Variants in RYR3 observed in about 807,000 individuals in gnomAD.
RYR3 encodes ryanodine receptor 3.
RYR3 carries 207 observed loss-of-function variants against 584.3 expected under a neutral mutation model. That is an observed-to-expected ratio of 0.35 (90% CI 0.32 to 0.40). RYR3 has a LOEUF of 0.40. Among genes scored for constraint, RYR3 ranks in the 10% least tolerant of loss-of-function variants. RYR3 has a pLI of 1.00. For missense variants in RYR3, 5,616 were observed against 6,089.2 expected (o/e 0.92, Z 2.59); for synonymous variants, 2,416 against 2,248.5 (o/e 1.07, Z -2.11).
At chr15:33,547,716 G>T (rs887100256) in intron 8 of RYR3, among the ~76,000 whole-genome samples, 35 of 152,300 alleles carry the variant, frequency 2.3e-4, no homozygotes, top group African/African-American at 8.4e-4. Context: ...TCGAATAGGT[G>T]TTTTTAAAGT....
chr15:33,365,524 G>A (rs545487442), intron 1 of RYR3, among the ~76,000 whole-genome samples: 1 of 152,252 alleles, frequency 6.6e-6, no homozygotes, highest in Non-Finnish European at 1.5e-5. Flanking sequence ...GAAAAGTGTA[G>A]TTTGGGGACA....
At chr15:33,447,111 C>A (rs16971041) in intron 1 of RYR3, among the ~76,000 whole-genome samples, 6,123 of 152,170 alleles carry the variant, frequency 0.04, 393 homozygotes, top group African/African-American at 0.13. Flanking sequence ...TTTAGCCTGG[C>A]GTAGTATAAG....
chr15:33,790,889 A>G (rs1387818388), intron 67 of RYR3, among the ~76,000 whole-genome samples: 2 of 152,188 alleles, frequency 1.3e-5, no homozygotes, highest in Non-Finnish European at 2.9e-5. Flanking sequence ...CTGAGTGCCA[A>G]CTTCACAAAG....
chr15:33,363,916 A>G (rs1047445546), intron 1 of RYR3, among the ~76,000 whole-genome samples: 1 of 152,182 alleles, frequency 6.6e-6, no homozygotes, highest in Non-Finnish European at 1.5e-5. Context: ...CAGTTACTGG[A>G]AAACTTTTTA....
chr15:33,530,534 G>T, intron 3 of RYR3, 58 bp from the exon 4 acceptor site: 1 of 1,171,316 alleles, frequency 8.5e-7, no homozygotes, highest in Non-Finnish European at 1.3e-6. Flanking sequence ...TGTGTTGCTT[G>T]GCTCCCGGAG....
chr15:33,806,920 ATT>A (rs35069939), intron 69 of RYR3, among the ~76,000 whole-genome samples: 4 of 141,462 alleles, frequency 2.8e-5, no homozygotes. Context: ...ACCCAGCTGA[ATT>A]TTTTTTTTTT....
intron 1 of RYR3, among the ~76,000 whole-genome samples, chr15:33,339,470 T>A (rs1971542351): frequency 6.6e-6 from 1 of 152,128 alleles, no homozygotes. Flanking sequence ...GGGGAAGGAT[T>A]TGAAAGATAT....
At chr15:33,684,684 T>C (rs1248342025) in intron 38 of RYR3, among the ~76,000 whole-genome samples, 3 of 151,930 alleles carry the variant, frequency 2.0e-5, no homozygotes, top group Non-Finnish European at 2.9e-5. Flanking sequence ...GGAAAAAATA[T>C]AAAGGGCAGC....
At chr15:33,521,046 A>G (rs2053943654) in intron 3 of RYR3, among the ~76,000 whole-genome samples, 1 of 152,118 alleles carries the variant, frequency 6.6e-6, no homozygotes, top group South Asian at 2.1e-4. Context: ...GAGGTTCCCC[A>G]GTTGTCTTCA....
At position 33,652,727 on chromosome 15, in the gene RYR3, C is replaced by T; in HGVS notation, c.4152C>T (p.Arg1384=). ...ERGRVHESVK[R]SNCYMVWGGD... ...CTGTCTTGGCTCCTAGTGTGAAACG[C>T]AGCAACTGCTACATGGTCTGGGGTG... Residue 1384 remains arginine, a synonymous_variant, in exon 32 of 104, where the codon CGC becomes CGT. Transcript: ENST00000634891. The T allele has an allele frequency of 6.2e-7, 1 of 1,613,280 alleles. No individual in the cohort carries two copies. Among genetic ancestry groups the T allele is most frequent in the East Asian group, 2.2e-5 (1 of 44,852 alleles).
At position 33,374,862 on chromosome 15, in the gene RYR3, C is replaced by CTT. The variant is rs748341078; in HGVS notation, c.51+63768_51+63769dup. 2.4e-4 allele frequency among the ~76,000 whole-genome samples: 37 copies of CTT among 152,290 alleles called. 2 individuals are homozygous for CTT. The highest frequency in any genetic ancestry group is 1.6e-3 in the Admixed American group (25 of 15,304). On this transcript the variant is annotated intron_variant, in intron 1 of 103. Transcript: ENST00000634891. ...CTCCATGGCTGTGGCTCTGGCTGGG[C>CTT]TTTACCCAGGGCAAATCAGAGCTTG...
rs2068962357 is a variant in RYR3, at chr15:33,731,645, A to G, written c.7375A>G (p.Thr2459Ala). The change falls in exon 48 of 104, where the codon ACC becomes GCC. Residue 2459 changes from threonine (T) to alanine (A), a missense_variant. Transcript: ENST00000634891. ...IYRLSKGRSL[T>A]KAQRDTIEEC... ...CAGGCTATCCAAGGGACGTTCCCTC[A>G]CCAAAGCACAAAGGGACACTATAGA... 1.9e-6 allele frequency: 3 copies of G among 1,613,742 alleles called. No individual in the cohort carries two copies. The highest frequency in any genetic ancestry group is 2.5e-6 in the Non-Finnish European group (3 of 1,179,690).
intron 40 of RYR3, 50 bp downstream of exon 40, chr15:33,698,046 C>G (rs1229552447): frequency 7.5e-6 from 10 of 1,329,518 alleles, no homozygotes; most frequent in Admixed American, 3.4e-5. Flanking sequence ...GAGGCAGGAG[C>G]ACGAGGTGAC....
intron 32 of RYR3, among the ~76,000 whole-genome samples, chr15:33,656,795 C>T (rs893434189): frequency 5.9e-5 from 9 of 152,186 alleles, no homozygotes; most frequent in Non-Finnish European, 1.0e-4. Context: ...TTCCTTTACA[C>T]GTGGCCCCCT....
intron 99 of RYR3, chr15:33,859,000 T>TAAGA (rs2080040551): frequency 6.5e-6 from 1 of 153,086 alleles, no homozygotes; most frequent in East Asian, 1.9e-4. Context: ...TTTCCAGGTG[T>TAAGA]AAGACGGTCC....
Position 33,663,792 on chromosome 15 carries a change from T to C in RYR3, c.5619+55T>C, listed in dbSNP as rs1466112067. On this transcript the variant is annotated intron_variant, in intron 36 of 103. Coordinates refer to ENST00000634891, the MANE Select transcript of RYR3 (RefSeq NM_001036.6). Reference sequence around the variant, plus strand: ...TTCCTATGGAAGAACTTGAGACCTATGGAACAGGGCACATGAAACCTCTAT... The same window carrying C: ...TTCCTATGGAAGAACTTGAGACCTACGGAACAGGGCACATGAAACCTCTAT... The C allele has an allele frequency of 3.4e-6, 5 of 1,469,166 alleles. 1 individual carries two copies. In the Admixed American group the frequency reaches 7.9e-5, roughly 23 times the overall value. 91.0% of individuals were successfully genotyped at this position (1,469,166 alleles called of 1,614,324 possible).
chr15:33,516,007 T>C (rs1368151032), intron 3 of RYR3, among the ~76,000 whole-genome samples: 1 of 152,216 alleles, frequency 6.6e-6, no homozygotes. Flanking sequence ...TGGACTTCAC[T>C]TCTTTTTCCC....
At chr15:33,747,856 A>G (rs1362929820) in intron 53 of RYR3, among the ~76,000 whole-genome samples, 2 of 152,222 alleles carry the variant, frequency 1.3e-5, no homozygotes, top group African/African-American at 2.4e-5. Flanking sequence ...CTTCGTCTAC[A>G]GAATGTAGAT....
intron 43 of RYR3, among the ~76,000 whole-genome samples, chr15:33,716,254 A>AT (rs1289941093): frequency 6.6e-6 from 1 of 152,128 alleles, no homozygotes; most frequent in Non-Finnish European, 1.5e-5. Context: ...AGCCTCAGGT[A>AT]TTTTTTTATG....
Sources: allele counts gnomAD v4.1 joint callset (sites outside exome capture counted in the v4.1 genomes callset), GRCh38; gene constraint gnomAD v4.1.1; transcripts MANE v1.5; gene names NCBI Gene and HGNC (gene_info 2026-07-23, HGNC 2026-07-21).